RUFY2: variants seen among roughly 807,000 people sequenced by gnomAD.
The protein encoded by RUFY2 is RUN and FYVE domain containing 2, also known as RUN and FYVE domain-containing protein 2.
Under a neutral mutation model 94.4 loss-of-function variants are expected in RUFY2, and 49 were observed. That is an observed-to-expected ratio of 0.52 (90% confidence interval 0.41 to 0.66). The LOEUF is 0.66. RUFY2 is among the 30% of genes least tolerant of loss of function. The probability of loss-of-function intolerance (pLI) is 0.00; values close to 1 mark genes in which losing one functional copy is unlikely to be tolerated. For missense variants in RUFY2, 541 were observed against 692.8 expected, an observed-to-expected ratio of 0.78 and a Z score of 2.46; for synonymous variants, 255 against 235.7, an observed-to-expected ratio of 1.08 and a Z score of -0.75.
At position 68,404,789 on chromosome 10, in the gene RUFY2, C is replaced by A. The variant is rs780125758; in HGVS notation, c.60G>T (p.Leu20=). The A allele has an allele frequency of 6.2e-7, 1 of 1,612,992 alleles. No individual in the cohort carries two copies. Among genetic ancestry groups the A allele is most frequent in the South Asian group, 1.1e-5 (1 of 90,840 alleles). The part of the protein sequence containing the change: ...ERANLLNMAK[L]SIKGLIESAL... ...CAGATTCAATGAGTCCTTTGATACTCAGTTTAGCCATGTTTAACAAGTTTG... is the reference window on the plus strand; with the variant it reads ...CAGATTCAATGAGTCCTTTGATACTAAGTTTAGCCATGTTTAACAAGTTTG... Residue 20 remains leucine (L), a synonymous_variant, in exon 2 of 18, where the codon CTG becomes CTT. Coordinates refer to ENST00000602465, the MANE Select transcript of RUFY2 (RefSeq NM_001330103.2).
chr10:68,406,643 C>T, intron 1 of RUFY2: 2 of 1,075,384 alleles, frequency 1.9e-6, no homozygotes, highest in Non-Finnish European at 1.3e-6. Context: ...GGCCAGTGCC[C>T]GCACCTTGCC....
chr10:68,405,043 G>A (rs2133278237), intron 1 of RUFY2, among the ~76,000 whole-genome samples, 199 bp from the exon 2 acceptor site: 1 of 152,158 alleles, frequency 6.6e-6, no homozygotes, highest in South Asian at 2.1e-4. Flanking sequence ...GGCCAGGCGC[G>A]GTGGCTCACG....
chr10:68,391,151 G>A (rs886833926), intron 7 of RUFY2, among the ~76,000 whole-genome samples: 1 of 151,484 alleles, frequency 6.6e-6, no homozygotes, highest in Non-Finnish European at 1.5e-5. Flanking sequence ...GGCCAGGCTG[G>A]TCTCGAACTC....
Position 68,383,812 on chromosome 10 carries a change from A to C in RUFY2, c.925T>G (p.Ser309Ala). ...ATATAACCTACCTGTCGTAACTGAGATTCATCTCGAAGCTGCCTTCTGGCT... is the reference window on the plus strand; with the variant it reads ...ATATAACCTACCTGTCGTAACTGAGCTTCATCTCGAAGCTGCCTTCTGGCT... ...NEARRQLRDE[S>A]QLRQDVENEL... Residue 309 changes from serine (S) to alanine (A), a missense_variant, in exon 10 of 18, where the codon TCT becomes GCT. This residue lies in a region of RUFY2 where 403 missense variants were observed against 480.7 expected (regional missense o/e 0.84). Coordinates refer to ENST00000602465, the MANE Select transcript of RUFY2 (RefSeq NM_001330103.2). The C allele has an allele frequency of 6.2e-7, 1 of 1,610,368 alleles. No homozygotes were observed. Among genetic ancestry groups the C allele is most frequent in the Non-Finnish European group, 8.5e-7 (1 of 1,176,704 alleles).
intron 11 of RUFY2, 85 bp downstream of exon 11, chr10:68,381,147 A>AT (rs2049032633): frequency 1.0e-6 from 1 of 964,682 alleles, no homozygotes; most frequent in South Asian, 1.8e-5. Context: ...TTAAAATAAA[A>AT]TGGGCTCATC....
intron 12 of RUFY2, chr10:68,377,849 C>T (rs2048775255): frequency 2.0e-6 from 2 of 985,224 alleles, no homozygotes; most frequent in Admixed American, 6.2e-5. Context: ...AAAACTCTTC[C>T]TCTTCCTTTC....
intron 12 of RUFY2, chr10:68,378,243 T>C: frequency 9.6e-7 from 1 of 1,036,628 alleles, no homozygotes; most frequent in Non-Finnish European, 1.2e-6. Context: ...AACTGAAGGT[T>C]AAGTTATTTT....
intron 14 of RUFY2, 75 bp downstream of exon 14, chr10:68,363,909 G>T: frequency 8.3e-7 from 1 of 1,207,580 alleles, no homozygotes; most frequent in Non-Finnish European, 1.2e-6. Context: ...TTGGTATAAT[G>T]TAAATTATGA....
intron 16 of RUFY2, among the ~76,000 whole-genome samples, chr10:68,350,119 C>G (rs1321314337): frequency 6.6e-6 from 1 of 152,132 alleles, no homozygotes; most frequent in Non-Finnish European, 1.5e-5. Context: ...AAGTGATCCT[C>G]TTACCTCAGC....
chr10:68,360,835 T>C (rs761709974), intron 15 of RUFY2, among the ~76,000 whole-genome samples: 6 of 151,582 alleles, frequency 4.0e-5, no homozygotes, highest in African/African-American at 7.3e-5. Flanking sequence ...TAAGTGGAGG[T>C]TGCAGTGAGC....
chr10:68,403,052 G>C (rs1223307053), intron 2 of RUFY2, among the ~76,000 whole-genome samples: 2 of 150,892 alleles, frequency 1.3e-5, no homozygotes, highest in African/African-American at 4.9e-5. Flanking sequence ...CACTATGCTG[G>C]CCAGGCTGAT....
At chr10:68,360,689 A>C (rs1468896452) in intron 15 of RUFY2, among the ~76,000 whole-genome samples, 3 of 152,110 alleles carry the variant, frequency 2.0e-5, no homozygotes, top group Non-Finnish European at 4.4e-5. Flanking sequence ...CAGAGCTTGC[A>C]GTGAGCTGAG....
intron 1 of RUFY2, 131 bp downstream of exon 1, chr10:68,407,055 A>G (rs1398912877): frequency 4.8e-6 from 7 of 1,471,826 alleles, no homozygotes; most frequent in Non-Finnish European, 3.6e-6. Flanking sequence ...GTCCCCGCCC[A>G]TCCTGGGTTC....
In RUFY2 at chr10:68,344,227, A is replaced by G. The variant is rs1197251560; in HGVS notation, c.*1541T>C. On this transcript the variant is annotated 3_prime_UTR_variant, in exon 18 of 18. Coordinates refer to ENST00000602465, the MANE Select transcript of RUFY2 (RefSeq NM_001330103.2). Reference sequence around the variant, plus strand: ...TATTCATTTCATACTTAGGCTATTCAGAAAAATTTAAATTTCATGGAAGCA... The same window carrying G: ...TATTCATTTCATACTTAGGCTATTCGGAAAAATTTAAATTTCATGGAAGCA... 4 of 152,216 alleles carry G rather than the reference A, an allele frequency of 2.6e-5. No homozygotes were observed. The highest frequency in any genetic ancestry group is 1.9e-4 in the East Asian group (1 of 5,204). 9.4% of individuals were successfully genotyped at this position (152,216 alleles called of 1,614,324 possible).
In RUFY2 at chr10:68,386,112, G is replaced by A; in HGVS notation, c.667C>T (p.Leu223Phe). The A allele has an allele frequency of 6.2e-7, 1 of 1,611,996 alleles. No individual in the cohort carries two copies. The highest frequency in any genetic ancestry group is 8.5e-7 in the Non-Finnish European group (1 of 1,179,112). Residue 223 changes from leucine to phenylalanine, a missense_variant, in exon 8 of 18, where the codon CTC (leucine) becomes TTC (phenylalanine). Physicochemically the swap from Leu to Phe is conservative, Grantham distance 22. Transcript: ENST00000602465. The part of the protein sequence containing the change: ...NRQLNSTVSS[L>F]HSRVDSLEKS... The stretch of plus-strand genomic sequence containing the variant: ...TCTAATGAATCAACTCTTGAATGGA[G>A]GCTGCTGACTGTGCTGCTGAAATTA...
chr10:68,399,072 C>T (rs1343564798), intron 3 of RUFY2, among the ~76,000 whole-genome samples: 1 of 150,546 alleles, frequency 6.6e-6, no homozygotes, highest in Non-Finnish European at 1.5e-5. Flanking sequence ...GAGACAAAGT[C>T]TCACTCTGTC....
At chr10:68,401,194 A>G (rs969606503) in intron 3 of RUFY2, among the ~76,000 whole-genome samples, 1 of 152,230 alleles carries the variant, frequency 6.6e-6, no homozygotes, top group Admixed American at 6.5e-5. Flanking sequence ...AAAGAAATGT[A>G]CACCAGTCCT....
At chr10:68,393,077 G>A in intron 7 of RUFY2, 61 bp downstream of exon 7, 1 of 887,488 alleles carries the variant, frequency 1.1e-6, no homozygotes, top group South Asian at 1.8e-5. Flanking sequence ...GTAAGCTGAA[G>A]GGAAAAAAAC....
intron 2 of RUFY2, 87 bp downstream of exon 2, chr10:68,404,584 T>C (rs930735066): frequency 3.3e-5 from 30 of 911,516 alleles, no homozygotes; most frequent in Non-Finnish European, 4.3e-5. Context: ...AGTAACGTAA[T>C]TATGGCCTCA....
Sources: gnomAD v4.1 joint callset for allele counts (sites outside exome capture counted in the v4.1 genomes callset) on GRCh38, gnomAD v4.1.1 for gene constraint, gnomAD v4.1.1 regional missense constraint, MANE v1.5 for transcripts, NCBI Gene and HGNC (gene_info 2026-07-23, HGNC 2026-07-21) for gene names.